The following PPARGC1A variants were observed in gnomAD, a reference collection of about 807,000 sequenced individuals.
The protein encoded by PPARGC1A is PPARG coactivator 1 alpha, also known as peroxisome proliferator-activated receptor gamma coactivator 1-alpha.
Under a neutral mutation model 88.7 loss-of-function variants are expected in PPARGC1A, and 25 were observed. The ratio of observed to expected loss-of-function variants is 0.28; its 90% CI spans 0.21 to 0.39. The LOEUF (loss-of-function observed/expected upper bound fraction) is 0.39. Ranked by LOEUF, PPARGC1A falls within the 10% of genes least tolerant of loss-of-function variation. The pLI, the probability that PPARGC1A is intolerant of heterozygous loss-of-function variation, is 1.00. For missense variants in PPARGC1A, 880 were observed against 968.7 expected (o/e 0.91, Z 1.22); for synonymous variants, 363 against 355.6 (o/e 1.02, Z -0.24).
intron 2 of PPARGC1A, among the ~76,000 whole-genome samples, chr4:23,856,915 T>G (rs928018729): frequency 1.8e-4 from 28 of 152,110 alleles, no homozygotes; most frequent in African/African-American, 6.3e-4. Flanking sequence ...AAGGACACTT[T>G]CCGTTTTACA....
At chr4:23,952,126 T>A in the PPARGC1A span, among the ~76,000 whole-genome samples, 2 of 152,088 alleles carry the variant, frequency 1.3e-5, no homozygotes, top group African/African-American at 4.8e-5. Context: ...TTTATTCTTC[T>A]CAGAATCTAC....
the PPARGC1A span, among the ~76,000 whole-genome samples, chr4:24,010,987 C>T: frequency 2.0e-5 from 3 of 152,014 alleles, no homozygotes; most frequent in South Asian, 2.1e-4. Context: ...TGTTCAACTA[C>T]GATAATGAGG....
At chr4:23,976,198 T>C in the PPARGC1A span, among the ~76,000 whole-genome samples, 9 of 152,290 alleles carry the variant, frequency 5.9e-5, no homozygotes, top group East Asian at 1.5e-3. Context: ...GAAAGAGGAA[T>C]CATGGGACAT....
At chr4:24,390,509 A>C in the PPARGC1A span, among the ~76,000 whole-genome samples, 1 of 152,266 alleles carries the variant, frequency 6.6e-6, no homozygotes, top group Admixed American at 6.5e-5. Context: ...TGTTTTTTAT[A>C]TGCATGTTAT....
At chr4:23,812,428 C>G (rs556995421) in intron 10 of PPARGC1A, among the ~76,000 whole-genome samples, 9 of 152,206 alleles carry the variant, frequency 5.9e-5, no homozygotes, top group African/African-American at 1.7e-4. Flanking sequence ...AAAAACTTAT[C>G]CTGTGATCAG....
chr4:23,916,022 C>A, the PPARGC1A span, among the ~76,000 whole-genome samples: 22 of 152,166 alleles, frequency 1.4e-4, no homozygotes, highest in Non-Finnish European at 2.5e-4. Flanking sequence ...AGCTGTGTGA[C>A]CTCCAACAAT....
chr4:23,856,884 T>G (rs996985420), intron 2 of PPARGC1A, among the ~76,000 whole-genome samples: 2 of 151,822 alleles, frequency 1.3e-5, no homozygotes, highest in African/African-American at 4.8e-5. Flanking sequence ...TTGACCAGCA[T>G]GCTTGTGCAG....
intron 3 of PPARGC1A, among the ~76,000 whole-genome samples, chr4:23,830,606 G>C (rs1404516071): frequency 6.6e-6 from 1 of 152,154 alleles, no homozygotes; most frequent in African/African-American, 2.4e-5. Context: ...TATTTGCATA[G>C]AGTATTTTTA....
intron 2 of PPARGC1A, among the ~76,000 whole-genome samples, chr4:23,861,185 A>G (rs1349933884): frequency 2.6e-5 from 4 of 152,248 alleles, no homozygotes. Flanking sequence ...TTTTGTAAAC[A>G]TAACTAGAAA....
At chr4:24,211,008 T>C in the PPARGC1A span, among the ~76,000 whole-genome samples, 2 of 152,208 alleles carry the variant, frequency 1.3e-5, no homozygotes, top group Non-Finnish European at 2.9e-5. Context: ...AAAACTGTAA[T>C]GAATATTATC....
At chr4:24,243,999 GTTTC>G in the PPARGC1A span, among the ~76,000 whole-genome samples, 5 of 152,202 alleles carry the variant, frequency 3.3e-5, no homozygotes, top group East Asian at 1.9e-4. Context: ...CGTGTTGAGG[GTTTC>G]TTTGTTTTTA....
chr4:23,953,869 G>T, the PPARGC1A span, among the ~76,000 whole-genome samples: 15 of 152,076 alleles, frequency 9.9e-5, no homozygotes, highest in African/African-American at 3.1e-4. Context: ...TAGTATTCCA[G>T]GCACCTCGTA....
rs781242605 is a variant in PPARGC1A, at chr4:23,884,893, T to A, written c.93A>T (p.Pro31=). The A allele has an allele frequency of 1.2e-6, 2 of 1,613,694 alleles. No homozygotes were observed. The highest frequency in any genetic ancestry group is 1.7e-6 in the Non-Finnish European group (2 of 1,179,800). Residue 31 remains proline, a synonymous_variant, in exon 2 of 13, where the codon CCA becomes CCT. Transcript: ENST00000264867. ...ALVGEDQPLC[P]DLPELDLSEL... is the part of the protein sequence containing the mutation. The stretch of plus-strand genomic sequence containing the variant: ...CAGAAAGATCAAGTTCAGGAAGATC[T>A]GGGCAAAGAGGCTGGTCTTCACCAA...
the PPARGC1A span, among the ~76,000 whole-genome samples, chr4:24,249,939 A>G: frequency 2.0e-5 from 3 of 152,212 alleles, no homozygotes; most frequent in East Asian, 1.9e-4. Flanking sequence ...GAAGTATGCA[A>G]TTATTGATAT....
chr4:24,210,664 C>CT, the PPARGC1A span, among the ~76,000 whole-genome samples: 17 of 152,344 alleles, frequency 1.1e-4, no homozygotes, highest in East Asian at 3.3e-3. Context: ...CATGTGGCCC[C>CT]GTGCACTCCC....
At chr4:24,188,443 A>C in the PPARGC1A span, among the ~76,000 whole-genome samples, 1 of 152,120 alleles carries the variant, frequency 6.6e-6, no homozygotes, top group Non-Finnish European at 1.5e-5. Flanking sequence ...GAATGTATGT[A>C]ATACCGCTGA....
At chr4:24,371,139 C>A in the PPARGC1A span, among the ~76,000 whole-genome samples, 16 of 152,236 alleles carry the variant, frequency 1.1e-4, no homozygotes, top group East Asian at 2.9e-3. Flanking sequence ...GCATTGTATT[C>A]CATGGTGTAT....
the PPARGC1A span, among the ~76,000 whole-genome samples, chr4:24,408,364 A>C: frequency 7.9e-5 from 12 of 152,298 alleles, no homozygotes; most frequent in African/African-American, 2.9e-4. Context: ...TTGAAAAAAA[A>C]AAAACCTATA....
intron 2 of PPARGC1A, among the ~76,000 whole-genome samples, chr4:23,846,247 G>C (rs1728302624): frequency 6.6e-6 from 1 of 152,172 alleles, no homozygotes; most frequent in Admixed American, 6.5e-5. Flanking sequence ...TGGAAACACT[G>C]AATAGTAAAA....
Sources: gnomAD v4.1 joint callset for allele counts (sites outside exome capture counted in the v4.1 genomes callset) on GRCh38, gnomAD v4.1.1 for gene constraint, MANE v1.5 for transcripts, NCBI Gene and HGNC (gene_info 2026-07-23, HGNC 2026-07-21) for gene names.